The following RIMS1 variants were observed in gnomAD, a reference collection of about 807,000 sequenced individuals.
The protein encoded by RIMS1 is regulating synaptic membrane exocytosis 1.
A neutral mutation model predicts 214.1 loss-of-function variants in RIMS1; 83 were observed. That is an observed-to-expected ratio of 0.39 (90% CI 0.32 to 0.47). The LOEUF is 0.47. RIMS1 is among the 20% of genes least tolerant of loss of function. The probability of loss-of-function intolerance (pLI) is 0.99; values close to 1 mark genes in which losing one functional copy is unlikely to be tolerated. For missense variants in RIMS1, 2,050 were observed against 2,161.8 expected, an observed-to-expected ratio of 0.95 and a Z score of 1.03; for synonymous variants, 793 against 786.8, an observed-to-expected ratio of 1.01 and a Z score of -0.13.
chr6:72,122,479 T>G (rs943260682), intron 4 of RIMS1, among the ~76,000 whole-genome samples: 13 of 151,812 alleles, frequency 8.6e-5, no homozygotes, highest in African/African-American at 3.1e-4. Context: ...GTGCTGGGAT[T>G]ACAGGCATGA....
chr6:72,048,468 G>A (rs1186360822), intron 2 of RIMS1, among the ~76,000 whole-genome samples: 3 of 152,062 alleles, frequency 2.0e-5, no homozygotes, highest in Non-Finnish European at 2.9e-5. Context: ...GTGACTTTCA[G>A]AAAAAATGTG....
At chr6:71,956,543 A>G (rs1791348998) in intron 1 of RIMS1, among the ~76,000 whole-genome samples, 1 of 152,170 alleles carries the variant, frequency 6.6e-6, no homozygotes, top group Non-Finnish European at 1.5e-5. Context: ...TGAAAAAATT[A>G]ATGTGGAGTT....
rs115354957 is a variant in RIMS1, at chr6:72,239,064, A to G, written c.1957+1142A>G. ...GGACCAGTTATGATTCAGTAGGAAA[A>G]TAACTCAATCAGGGTTGACTCTGTC... is the stretch of plus-strand genomic sequence containing the variant. On this transcript the variant is annotated intron_variant, in intron 9 of 33. Coordinates refer to ENST00000521978, the MANE Select transcript of RIMS1 (RefSeq NM_014989.7). Among the ~76,000 whole-genome samples, 335 of 152,262 alleles carry G rather than the reference A, an allele frequency of 2.2e-3. 1 individual carries two copies. Among genetic ancestry groups the G allele is most frequent in the African/African-American group, 7.7e-3 (321 of 41,562 alleles).
At chr6:72,262,237 A>G in intron 19 of RIMS1, 1 of 794,322 alleles carries the variant, frequency 1.3e-6, no homozygotes. Flanking sequence ...AATATTATAT[A>G]ATAGTTGCAT....
At chr6:71,940,753 G>T (rs887367135) in intron 1 of RIMS1, among the ~76,000 whole-genome samples, 1 of 152,108 alleles carries the variant, frequency 6.6e-6, no homozygotes, top group Non-Finnish European at 1.5e-5. Context: ...TTGATAATTG[G>T]CACTTAATGG....
At chr6:71,942,786 A>T (rs1233575079) in intron 1 of RIMS1, among the ~76,000 whole-genome samples, 1 of 152,006 alleles carries the variant, frequency 6.6e-6, no homozygotes, top group African/African-American at 2.4e-5. Flanking sequence ...ATAAATTATA[A>T]TTTTTTCTGA....
chr6:72,115,041 G>A (rs1463741931), intron 4 of RIMS1, among the ~76,000 whole-genome samples: 1 of 151,900 alleles, frequency 6.6e-6, no homozygotes, highest in African/African-American at 2.4e-5. Context: ...AGTGGAAACA[G>A]ATAAATTTTA....
intron 29 of RIMS1, among the ~76,000 whole-genome samples, chr6:72,344,023 A>C (rs1389516863): frequency 6.6e-6 from 1 of 151,838 alleles, no homozygotes; most frequent in Non-Finnish European, 1.5e-5. Context: ...CAATGAGTTC[A>C]AGGTATTATT....
chr6:72,190,932 G>A (rs1001003177), intron 6 of RIMS1, among the ~76,000 whole-genome samples: 6 of 152,186 alleles, frequency 3.9e-5, no homozygotes, highest in Non-Finnish European at 5.9e-5. Flanking sequence ...CAGAAGGAGC[G>A]TAGTTATCTG....
intron 19 of RIMS1, chr6:72,264,008 A>G (rs2079282498): frequency 8.2e-6 from 6 of 734,872 alleles, no homozygotes; most frequent in Non-Finnish European, 1.0e-5. Flanking sequence ...AAGAAAAGAA[A>G]AGAAAATGGC....
chr6:72,219,616 T>C (rs1326702037), intron 6 of RIMS1, among the ~76,000 whole-genome samples: 1 of 152,054 alleles, frequency 6.6e-6, no homozygotes, highest in African/African-American at 2.4e-5. Context: ...TTAACAAATG[T>C]ATTTCAATAC....
chr6:72,306,687 C>CT (rs1185960562), intron 26 of RIMS1, among the ~76,000 whole-genome samples: 3 of 152,128 alleles, frequency 2.0e-5, no homozygotes, highest in African/African-American at 7.2e-5. Flanking sequence ...GTGAGCTAAT[C>CT]TTTTAGTAAG....
intron 4 of RIMS1, among the ~76,000 whole-genome samples, chr6:72,124,134 T>A (rs972784935): frequency 5.3e-5 from 8 of 152,062 alleles, no homozygotes; most frequent in African/African-American, 1.4e-4. Context: ...CCGTGTTTAG[T>A]GCTTCCTTCA....
chr6:72,219,358 G>C lies in RIMS1; in HGVS notation c.1679-14415G>C, dbSNP rs528076496. Among the ~76,000 whole-genome samples, 10 of 152,170 alleles carry C rather than the reference G, an allele frequency of 6.6e-5. No individual in the cohort carries two copies. The East Asian group carries it at 1.9e-3, about 29-fold the overall frequency. On this transcript the variant is annotated intron_variant, in intron 6 of 33. Coordinates refer to ENST00000521978, the MANE Select transcript of RIMS1 (RefSeq NM_014989.7). Reference sequence around the variant, plus strand: ...GATATTATATAACCTGCTTCACGTAGGCCAATCTTTTGTCTTTAAGAAGGG... The same window carrying C: ...GATATTATATAACCTGCTTCACGTACGCCAATCTTTTGTCTTTAAGAAGGG...
At chr6:72,291,648 C>T (rs1272511276) in intron 25 of RIMS1, among the ~76,000 whole-genome samples, 1 of 152,128 alleles carries the variant, frequency 6.6e-6, no homozygotes, top group Non-Finnish European at 1.5e-5. Context: ...ATAACTTGCC[C>T]AGGTAGAACA....
At chr6:72,134,487 A>G (rs989344821) in intron 4 of RIMS1, among the ~76,000 whole-genome samples, 5 of 152,110 alleles carry the variant, frequency 3.3e-5, no homozygotes, top group African/African-American at 1.2e-4. Context: ...ACAGAAAAAC[A>G]TAGTTAGGAT....
chr6:72,178,623 G>A (rs1334596394), intron 4 of RIMS1, among the ~76,000 whole-genome samples: 2 of 152,218 alleles, frequency 1.3e-5, no homozygotes, highest in Admixed American at 6.5e-5. Context: ...CTGAGGCAGC[G>A]ATGTAAAGTC....
At chr6:71,897,530 C>A (rs1028214659) in intron 1 of RIMS1, among the ~76,000 whole-genome samples, 23 of 152,130 alleles carry the variant, frequency 1.5e-4, no homozygotes, top group African/African-American at 5.6e-4. Flanking sequence ...CTTTTCTCTC[C>A]ATCAGAAATA....
At chr6:71,940,116 G>T (rs1405876049) in intron 1 of RIMS1, among the ~76,000 whole-genome samples, 1 of 152,140 alleles carries the variant, frequency 6.6e-6, no homozygotes, top group Non-Finnish European at 1.5e-5. Flanking sequence ...AAGTTATAAT[G>T]ATCATTCTTA....
Sources: allele counts gnomAD v4.1 joint callset (sites outside exome capture counted in the v4.1 genomes callset), GRCh38; gene constraint gnomAD v4.1.1; transcripts MANE v1.5; gene names NCBI Gene and HGNC (gene_info 2026-07-23, HGNC 2026-07-21).